Variants in LRRTM4 observed in about 807,000 individuals in gnomAD.
The protein encoded by LRRTM4 is leucine rich repeat transmembrane neuronal 4.
A neutral mutation model predicts 47.6 loss-of-function variants in LRRTM4; 25 were observed. The observed-to-expected ratio is 0.53, with a 90% CI of 0.38 to 0.73. The LOEUF is 0.73. LRRTM4 is among the 30% of genes least tolerant of loss of function. The pLI, the probability that LRRTM4 is intolerant of heterozygous loss-of-function variation, is 0.00. For missense variants in LRRTM4, 638 were observed against 713.4 expected (o/e 0.89, Z 1.20); for synonymous variants, 311 against 269.5 (o/e 1.15, Z -1.51).
intron 3 of LRRTM4, chr2:77,008,949 A>G (rs1029846917): frequency 8.7e-6 from 1 of 114,340 alleles, no homozygotes; most frequent in Non-Finnish European, 1.7e-5. Context: ...AAAAAAAAGA[A>G]AAGAAAAAAA....
intron 3 of LRRTM4, among the ~76,000 whole-genome samples, chr2:77,381,580 T>A (rs1297966398): frequency 6.6e-6 from 1 of 152,046 alleles, no homozygotes; most frequent in African/African-American, 2.4e-5. Flanking sequence ...AATAAAATTA[T>A]AATAAACACA....
intron 3 of LRRTM4, among the ~76,000 whole-genome samples, chr2:76,970,334 C>G (rs1159087172): frequency 6.6e-6 from 1 of 151,926 alleles, no homozygotes; most frequent in Non-Finnish European, 1.5e-5. Flanking sequence ...AATTTTGAAA[C>G]AGTCTTTTCT....
intron 3 of LRRTM4, among the ~76,000 whole-genome samples, chr2:77,514,378 T>C (rs1679132946): frequency 6.6e-6 from 1 of 151,128 alleles, no homozygotes; most frequent in African/African-American, 2.4e-5. Flanking sequence ...TGGTCTACTT[T>C]ATACCAGTTG....
chr2:76,767,413 A>G (rs6718624), intron 3 of LRRTM4, among the ~76,000 whole-genome samples: 21,207 of 152,202 alleles, frequency 0.14, 2,021 homozygotes, highest in East Asian at 0.42. Context: ...TAATTCGGGT[A>G]GTAATAGGAT....
rs538311431 is a variant in LRRTM4, at chr2:76,869,246, T to A, written c.1552-120330A>T. Reference sequence around the variant, plus strand: ...ATCGCTTGAACCCAGGAGGCAGAGGTTGCAGTGAGCCGAGATCACACCACT... The same window carrying A: ...ATCGCTTGAACCCAGGAGGCAGAGGATGCAGTGAGCCGAGATCACACCACT... On this transcript the variant is annotated intron_variant, in intron 3 of 3. Transcript: ENST00000409884. 1.8e-3 allele frequency among the ~76,000 whole-genome samples: 276 copies of A among 150,746 alleles called. 1 individual carries two copies. The highest frequency in any genetic ancestry group is 6.7e-3 in the African/African-American group (273 of 40,962).
At chr2:76,940,604 A>C (rs115513669) in intron 3 of LRRTM4, among the ~76,000 whole-genome samples, 8 of 152,170 alleles carry the variant, frequency 5.3e-5, no homozygotes, top group Non-Finnish European at 8.8e-5. Flanking sequence ...GTTTACCTAT[A>C]GAACAAACAG....
chr2:77,198,935 G>A (rs535207126), intron 3 of LRRTM4, among the ~76,000 whole-genome samples: 2 of 152,178 alleles, frequency 1.3e-5, no homozygotes, highest in Admixed American at 6.6e-5. Flanking sequence ...TGTAAATGCT[G>A]CAGGATCAAG....
At chr2:77,376,622 T>G (rs1672851787) in intron 3 of LRRTM4, among the ~76,000 whole-genome samples, 1 of 151,792 alleles carries the variant, frequency 6.6e-6, no homozygotes, top group African/African-American at 2.4e-5. Context: ...GATCTCTCTC[T>G]TACACTTTTC....
At chr2:77,204,419 T>C (rs1334836670) in intron 3 of LRRTM4, among the ~76,000 whole-genome samples, 1 of 151,896 alleles carries the variant, frequency 6.6e-6, no homozygotes, top group Non-Finnish European at 1.5e-5. Flanking sequence ...ATGGACTACA[T>C]TTGGAAGCAA....
intron 3 of LRRTM4, among the ~76,000 whole-genome samples, chr2:76,982,194 T>C (rs1019060636): frequency 1.1e-4 from 16 of 152,052 alleles, no homozygotes; most frequent in Non-Finnish European, 7.4e-5. Context: ...CAGCTTCAAC[T>C]TCCATTTTCT....
At chr2:77,228,280 A>T (rs1414641154) in intron 3 of LRRTM4, among the ~76,000 whole-genome samples, 1 of 152,060 alleles carries the variant, frequency 6.6e-6, no homozygotes, top group Non-Finnish European at 1.5e-5. Context: ...GGTAAGTGTG[A>T]TCTATTCTCC....
At chr2:76,926,066 C>T (rs1421994578) in intron 3 of LRRTM4, among the ~76,000 whole-genome samples, 1 of 152,086 alleles carries the variant, frequency 6.6e-6, no homozygotes, top group Non-Finnish European at 1.5e-5. Flanking sequence ...CCTGACAATT[C>T]ATTTAGGAGT....
At chr2:77,259,462 A>G (rs1675859454) in intron 3 of LRRTM4, among the ~76,000 whole-genome samples, 2 of 152,056 alleles carry the variant, frequency 1.3e-5, no homozygotes, top group Non-Finnish European at 2.9e-5. Flanking sequence ...AGGGCTATCT[A>G]TGTTTCAAGG....
intron 3 of LRRTM4, among the ~76,000 whole-genome samples, chr2:76,849,461 T>C (rs539408062): frequency 5.8e-4 from 88 of 152,072 alleles, no homozygotes; most frequent in Admixed American, 1.4e-3. Flanking sequence ...GAAAATTATA[T>C]AAAATATACT....
At chr2:76,999,065 G>A (rs1677315099) in intron 3 of LRRTM4, among the ~76,000 whole-genome samples, 1 of 152,038 alleles carries the variant, frequency 6.6e-6, no homozygotes, top group Admixed American at 6.6e-5. Context: ...GATGGTTGTT[G>A]ATATTATTGT....
intron 3 of LRRTM4, among the ~76,000 whole-genome samples, chr2:76,854,706 G>A (rs1240121239): frequency 2.6e-5 from 4 of 151,896 alleles, no homozygotes; most frequent in South Asian, 2.1e-4. Context: ...CTTAGATGTC[G>A]CTACTTACTT....
intron 3 of LRRTM4, among the ~76,000 whole-genome samples, chr2:77,237,015 T>A (rs1339897126): frequency 1.3e-5 from 2 of 152,078 alleles, no homozygotes; most frequent in Non-Finnish European, 2.9e-5. Flanking sequence ...CAACTTTTGG[T>A]AGCAAGATGA....
At chr2:77,086,297 G>A (rs187208120) in intron 3 of LRRTM4, among the ~76,000 whole-genome samples, 248 of 152,178 alleles carry the variant, frequency 1.6e-3, no homozygotes, top group Non-Finnish European at 3.0e-3. Context: ...CATCACTGAC[G>A]TAATAAAGCC....
At chr2:77,030,778 T>C (rs761463439) in intron 3 of LRRTM4, among the ~76,000 whole-genome samples, 83 of 152,324 alleles carry the variant, frequency 5.4e-4, no homozygotes, top group African/African-American at 1.5e-3. Context: ...CTAAAGACTA[T>C]TGGCAATCTT....
Sources: gnomAD v4.1 joint callset for allele counts (sites outside exome capture counted in the v4.1 genomes callset) on GRCh38, gnomAD v4.1.1 for gene constraint, MANE v1.5 for transcripts, NCBI Gene and HGNC (gene_info 2026-07-23, HGNC 2026-07-21) for gene names.